The following PRKCE variants were observed in gnomAD, a reference collection of about 807,000 sequenced individuals.
PRKCE encodes the protein protein kinase C epsilon.
A neutral mutation model predicts 85.4 loss-of-function variants in PRKCE; 16 were observed. The observed-to-expected ratio is 0.19, with a 90% CI of 0.13 to 0.28. PRKCE has a LOEUF of 0.28. Ranked by LOEUF, PRKCE falls within the 10% of genes least tolerant of loss-of-function variation. The pLI is 1.00. For missense variants in PRKCE, 573 were observed against 975.2 expected (o/e 0.59, Z 5.49); for synonymous variants, 388 against 371.5 (o/e 1.04, Z -0.51).
At chr2:45,717,141 G>A (rs1191151829) in intron 1 of PRKCE, among the ~76,000 whole-genome samples, 1 of 152,162 alleles carries the variant, frequency 6.6e-6, no homozygotes, top group Admixed American at 6.5e-5. Context: ...GAAAGGATGA[G>A]GATCCCATTG....
chr2:46,166,935 G>A (rs1301798933), intron 14 of PRKCE: 1 of 152,312 alleles, frequency 6.6e-6, no homozygotes, highest in Admixed American at 6.5e-5. Flanking sequence ...AGGCTGTAGT[G>A]AGCCATGTTC....
At chr2:46,092,527 G>A (rs1450189556) in intron 11 of PRKCE, among the ~76,000 whole-genome samples, 1 of 152,160 alleles carries the variant, frequency 6.6e-6, no homozygotes, top group African/African-American at 2.4e-5. Context: ...TTTCCTTGTT[G>A]ACCATGATGT....
intron 2 of PRKCE, among the ~76,000 whole-genome samples, chr2:45,899,572 G>A (rs933635891): frequency 2.0e-4 from 30 of 151,896 alleles, no homozygotes; most frequent in African/African-American, 7.0e-4. Flanking sequence ...TTGTAGAGAC[G>A]GGGCTTTGCC....
intron 1 of PRKCE, among the ~76,000 whole-genome samples, chr2:45,842,675 G>T (rs946865198): frequency 1.3e-5 from 2 of 152,128 alleles, no homozygotes; most frequent in African/African-American, 4.8e-5. Context: ...AATGTTTAAT[G>T]GTATCTCTGG....
chr2:46,097,417 G>A (rs1574463941), intron 11 of PRKCE, among the ~76,000 whole-genome samples: 1 of 151,888 alleles, frequency 6.6e-6, no homozygotes, highest in Admixed American at 6.6e-5. Context: ...CTACTCGGGA[G>A]GCTGAGGCAG....
At chr2:45,982,948 C>A (rs1056883179) in intron 5 of PRKCE, among the ~76,000 whole-genome samples, 2 of 152,196 alleles carry the variant, frequency 1.3e-5, no homozygotes, top group African/African-American at 4.8e-5. Flanking sequence ...TCCACCATGC[C>A]TTCAGGGTAT....
intron 10 of PRKCE, among the ~76,000 whole-genome samples, chr2:46,043,980 C>G (rs1037307752): frequency 2.0e-5 from 3 of 152,132 alleles, no homozygotes; most frequent in Non-Finnish European, 4.4e-5. Flanking sequence ...GCTGGGGTGT[C>G]CTGAGCATAG....
chr2:46,183,591 T>A (rs761544441), intron 14 of PRKCE, among the ~76,000 whole-genome samples: 2 of 152,198 alleles, frequency 1.3e-5, no homozygotes, highest in Non-Finnish European at 2.9e-5. Flanking sequence ...CCTCTGCCAT[T>A]GGACTCCAGC....
At chr2:45,716,718 G>GGAAGGAAGGAAT (rs1680155371) in intron 1 of PRKCE, among the ~76,000 whole-genome samples, 2 of 54,966 alleles carry the variant, frequency 3.6e-5, no homozygotes, top group Non-Finnish European at 8.2e-5. Context: ...AAGGAAGGAA[G>GGAAGGAAGGAAT]GAAGGAAGGA....
intron 1 of PRKCE, among the ~76,000 whole-genome samples, chr2:45,736,889 G>A (rs1456429319): frequency 1.3e-5 from 2 of 152,224 alleles, no homozygotes; most frequent in Non-Finnish European, 2.9e-5. Flanking sequence ...TTTGGTTTAA[G>A]GTGATCAGGG....
At chr2:46,024,536 A>T (rs2104901758) in intron 10 of PRKCE, among the ~76,000 whole-genome samples, 1 of 152,194 alleles carries the variant, frequency 6.6e-6, no homozygotes, top group East Asian at 1.9e-4. Context: ...AATCCATTTT[A>T]TCGGGAACAC....
chr2:45,970,045 T>A (rs1042897483), intron 2 of PRKCE, among the ~76,000 whole-genome samples: 1 of 152,214 alleles, frequency 6.6e-6, no homozygotes, highest in African/African-American at 2.4e-5. Context: ...GTTTAATTAT[T>A]GACTTAGAGT....
intron 14 of PRKCE, among the ~76,000 whole-genome samples, chr2:46,171,245 A>G (rs1678864439): frequency 6.6e-6 from 1 of 152,170 alleles, no homozygotes; most frequent in Non-Finnish European, 1.5e-5. Context: ...TTATTCCTGG[A>G]TAGCCACACA....
intron 6 of PRKCE, among the ~76,000 whole-genome samples, chr2:45,985,554 TATAAGTAAAGTATAAGAA>T (rs1327281868): frequency 6.6e-6 from 1 of 152,248 alleles, no homozygotes; most frequent in South Asian, 2.1e-4. Flanking sequence ...ATTAGAAGAA[TATAAGTAAAGTATAAGAA>T]AATAAACCTA....
chr2:45,656,814 G>A (rs1675399990), intron 1 of PRKCE, among the ~76,000 whole-genome samples: 1 of 152,224 alleles, frequency 6.6e-6, no homozygotes, highest in Admixed American at 6.5e-5. Context: ...GAAATTGCAG[G>A]CCAGAGAGGG....
intron 11 of PRKCE, among the ~76,000 whole-genome samples, chr2:46,091,580 G>A (rs572631994): frequency 4.6e-4 from 70 of 152,306 alleles, no homozygotes; most frequent in African/African-American, 1.5e-3. Flanking sequence ...GGAGAAAGAC[G>A]TAGATTCCAT....
At chr2:45,952,984 A>G (rs908239937) in intron 2 of PRKCE, among the ~76,000 whole-genome samples, 15 of 152,336 alleles carry the variant, frequency 9.8e-5, no homozygotes, top group African/African-American at 2.9e-4. Flanking sequence ...CATTTTATGG[A>G]CAGGGAGGTC....
intron 1 of PRKCE, among the ~76,000 whole-genome samples, chr2:45,839,365 GGGTAGC>G (rs995927630): frequency 2.1e-5 from 3 of 143,200 alleles, no homozygotes; most frequent in Non-Finnish European, 4.8e-5. Flanking sequence ...CGTGCTGGAG[GGGTAGC>G]CAAGGCACCG....
chr2:45,876,360 G>A (rs963612693), intron 2 of PRKCE, among the ~76,000 whole-genome samples: 2 of 152,012 alleles, frequency 1.3e-5, no homozygotes, highest in African/African-American at 4.8e-5. Context: ...TCTTTGCCTC[G>A]CATTTCATAC....
Sources: allele counts gnomAD v4.1 joint callset (sites outside exome capture counted in the v4.1 genomes callset), GRCh38; gene constraint gnomAD v4.1.1; transcripts MANE v1.5; gene names NCBI Gene and HGNC (gene_info 2026-07-23, HGNC 2026-07-21).